Variants in PIEZO2 observed in about 807,000 individuals in gnomAD.
PIEZO2 encodes the protein piezo-type mechanosensitive ion channel component 2.
In PIEZO2, 172 loss-of-function variants were observed where a neutral mutation model predicts 337.3. The observed-to-expected ratio is 0.51, with a 90% CI of 0.45 to 0.58. PIEZO2 has a LOEUF of 0.58. Ranked by LOEUF, PIEZO2 falls within the 20% of genes least tolerant of loss-of-function variation. The pLI, the probability that PIEZO2 is intolerant of heterozygous loss-of-function variation, is 0.00. For missense variants in PIEZO2, 3,028 were observed against 3,391.3 expected (o/e 0.89, Z 2.66); for synonymous variants, 1,251 against 1,228.5 (o/e 1.02, Z -0.38).
chr18:10,928,968 T>C (rs1359835166), intron 3 of PIEZO2, among the ~76,000 whole-genome samples: 1 of 152,206 alleles, frequency 6.6e-6, no homozygotes, highest in Non-Finnish European at 1.5e-5. Flanking sequence ...TTCATCCCTG[T>C]TTAATGGTTT....
chr18:10,731,711 T>G lies in PIEZO2; in HGVS notation c.4915-190A>C, dbSNP rs186050936. 5.3e-5 allele frequency among the ~76,000 whole-genome samples: 8 copies of G among 152,302 alleles called. No homozygotes were observed. The East Asian group carries it at 1.5e-3, about 29-fold the overall frequency. On this transcript the variant is annotated intron_variant, in intron 35 of 55. Transcript: ENST00000674853. ...GACAACAGATGTTGTAGTAATATAT[T>G]TCATCTGGTATCACAGATATCATGA...
rs1598967514 is a variant in PIEZO2 at position 11,105,930 on chromosome 18, G to A, written c.65-39708C>T. ...TCTGACTGATTTAGGTCATTCCAAGGGTTTCTCTGTTTATTTGAAATGTTC... is the reference window on the plus strand; with the variant it reads ...TCTGACTGATTTAGGTCATTCCAAGAGTTTCTCTGTTTATTTGAAATGTTC... On this transcript the variant is annotated intron_variant, in intron 1 of 55. Coordinates refer to ENST00000674853, the MANE Select transcript of PIEZO2 (RefSeq NM_001378183.1). This position sits in a 1 kb window ranked among gnomAD's most constrained non-coding sequence, Gnocchi z 4.3. 1.3e-5 allele frequency among the ~76,000 whole-genome samples: 2 copies of A among 152,022 alleles called. No individual in the cohort carries two copies. The highest frequency in any genetic ancestry group is 3.9e-4 in the East Asian group (2 of 5,174).
At chr18:10,927,083 G>A (rs2031787530) in intron 3 of PIEZO2, among the ~76,000 whole-genome samples, 1 of 152,212 alleles carries the variant, frequency 6.6e-6, no homozygotes, top group Non-Finnish European at 1.5e-5. Context: ...GGTCACACGC[G>A]GGAGGAGGGG....
At chr18:10,797,598 A>C (rs1315287630) in intron 11 of PIEZO2, 76 bp from the exon 12 acceptor site, 7 of 1,503,660 alleles carry the variant, frequency 4.7e-6, no homozygotes, top group Non-Finnish European at 6.2e-6. Context: ...GCAATGCAGC[A>C]CATGTATGGT....
rs1349464015 is a variant in PIEZO2, at chr18:10,854,193, A to T, written c.917+1160T>A. Among the ~76,000 whole-genome samples the T allele has an allele frequency of 6.6e-6, 1 of 152,204 alleles. No homozygotes were observed. The highest frequency in any genetic ancestry group is 1.5e-5 in the Non-Finnish European group (1 of 68,030). ...TTATATTTTCTGTAAATGGGAGGTTAGGTCAAAAGTCTTAACCATATGATG... is the reference window on the plus strand; with the variant it reads ...TTATATTTTCTGTAAATGGGAGGTTTGGTCAAAAGTCTTAACCATATGATG... On this transcript the variant is annotated intron_variant, in intron 7 of 55. Transcript: ENST00000674853. The surrounding 1 kb of genome is among the most constrained non-coding windows in gnomAD (Gnocchi z 4.6).
At chr18:10,885,738 G>A (rs573022758) in intron 4 of PIEZO2, among the ~76,000 whole-genome samples, 13 of 152,220 alleles carry the variant, frequency 8.5e-5, no homozygotes, top group African/African-American at 2.2e-4. Context: ...AAGTTATTTC[G>A]CTTCTCGCTT....
At chr18:10,968,450 T>C (rs1568250364) in intron 3 of PIEZO2, among the ~76,000 whole-genome samples, 1 of 152,180 alleles carries the variant, frequency 6.6e-6, no homozygotes, top group Admixed American at 6.6e-5. Context: ...TTTGGTTCCA[T>C]ATGAATTTTA....
At chr18:11,142,801 G>A (rs1372367572) in intron 1 of PIEZO2, among the ~76,000 whole-genome samples, 15 of 145,114 alleles carry the variant, frequency 1.0e-4, no homozygotes, top group South Asian at 2.2e-4. Flanking sequence ...AAAAAGGACC[G>A]GGCACGGTGG....
At chr18:10,867,185 C>T (rs192793869) in intron 5 of PIEZO2, among the ~76,000 whole-genome samples, 50 of 152,258 alleles carry the variant, frequency 3.3e-4, no homozygotes, top group Admixed American at 9.2e-4. Context: ...AAATGGGATC[C>T]AGGAAATTTA....
intron 32 of PIEZO2, among the ~76,000 whole-genome samples, chr18:10,742,048 G>C (rs113808331): frequency 0.014 from 2,116 of 152,088 alleles, 42 homozygotes; most frequent in African/African-American, 0.049. Context: ...CCAGCTACTC[G>C]GGAGGCTGAG....
At position 11,032,887 on chromosome 18, in the gene PIEZO2, A is replaced by G. The variant is rs542740335; in HGVS notation, c.160+33240T>C. On this transcript the variant is annotated intron_variant, in intron 2 of 55. Transcript: ENST00000674853. The surrounding 1 kb of genome is among the most constrained non-coding windows in gnomAD (Gnocchi z 4.9). Reference sequence around the variant, plus strand: ...ACAGGCCTAATGAATGGAGTATCTGAGTAGCTCAGAAGACAGAGAGGAGAA... The same window carrying G: ...ACAGGCCTAATGAATGGAGTATCTGGGTAGCTCAGAAGACAGAGAGGAGAA... Among the ~76,000 whole-genome samples the G allele has an allele frequency of 6.6e-6, 1 of 152,214 alleles. No individual in the cohort carries two copies. The highest frequency in any genetic ancestry group is 2.1e-4 in the South Asian group (1 of 4,830).
At chr18:11,081,708 C>T (rs1266330945) in intron 1 of PIEZO2, among the ~76,000 whole-genome samples, 2 of 150,908 alleles carry the variant, frequency 1.3e-5, no homozygotes, top group South Asian at 4.2e-4. Flanking sequence ...GAACTGAGAC[C>T]AAAAGTTTCC....
intron 3 of PIEZO2, among the ~76,000 whole-genome samples, chr18:10,930,374 G>C (rs8082732): frequency 0.1 from 15,717 of 152,270 alleles, 891 homozygotes; most frequent in African/African-American, 0.14. Flanking sequence ...TCTTCAGGCA[G>C]AGCTTAACCC....
chr18:10,770,286 C>T lies in PIEZO2; in HGVS notation c.2808G>A (p.Leu936=), dbSNP rs1048079044. The change falls in exon 21 of 56, where the codon CTG becomes CTA. Residue 936 remains leucine (L), a synonymous_variant. Coordinates refer to ENST00000674853, the MANE Select transcript of PIEZO2 (RefSeq NM_001378183.1). ...AGAGCACAGTGAGGCGGTCAATCAC[C>T]AGGTGCCATTTGTTCCTTAAGTCTG... is the stretch of plus-strand genomic sequence containing the variant. ...ETSDLRNKWH[L]VIDRLTVLFL... The T allele has an allele frequency of 6.5e-7, 1 of 1,537,442 alleles. No individual in the cohort carries two copies. Among genetic ancestry groups the T allele is most frequent in the African/African-American group, 1.4e-5 (1 of 73,034 alleles).
chr18:10,743,080 A>G (rs1220934219), intron 31 of PIEZO2, among the ~76,000 whole-genome samples: 2 of 152,214 alleles, frequency 1.3e-5, no homozygotes, highest in East Asian at 1.9e-4. Flanking sequence ...CATATTCTAA[A>G]CATGAGTCCA....
intron 7 of PIEZO2, among the ~76,000 whole-genome samples, chr18:10,823,240 A>C (rs1055675810): frequency 1.3e-5 from 2 of 152,134 alleles, no homozygotes; most frequent in African/African-American, 2.4e-5. Flanking sequence ...TTTTATTAAG[A>C]ATAATTAATT....
intron 1 of PIEZO2, among the ~76,000 whole-genome samples, chr18:11,133,616 G>A (rs1229819813): frequency 6.6e-6 from 1 of 152,004 alleles, no homozygotes; most frequent in African/African-American, 2.4e-5. Flanking sequence ...AAGGAGAGAT[G>A]GGCCTAACTT....
intron 1 of PIEZO2, among the ~76,000 whole-genome samples, chr18:11,081,383 CAGG>C (rs1195166664): frequency 6.6e-6 from 1 of 152,122 alleles, no homozygotes; most frequent in Non-Finnish European, 1.5e-5. Flanking sequence ...AGTGGGCAGC[CAGG>C]AGAAGAGGAA....
chr18:10,958,286 G>T (rs984757189), intron 3 of PIEZO2, among the ~76,000 whole-genome samples: 1 of 152,096 alleles, frequency 6.6e-6, no homozygotes, highest in African/African-American at 2.4e-5. Flanking sequence ...GCTTTATGTG[G>T]CATCTAAAAA....
Sources: gnomAD v4.1 joint callset for allele counts (sites outside exome capture counted in the v4.1 genomes callset) on GRCh38, gnomAD v4.1.1 for gene constraint, Gnocchi (gnomAD v3.1) non-coding constraint, MANE v1.5 for transcripts, NCBI Gene and HGNC (gene_info 2026-07-23, HGNC 2026-07-21) for gene names.